SENP6: variants seen among roughly 807,000 people sequenced by gnomAD.
SENP6 encodes SUMO specific peptidase 6.
In SENP6, 41 loss-of-function variants were observed where a neutral mutation model predicts 134.5. The observed-to-expected ratio is 0.30, with a 90% CI of 0.24 to 0.40. The LOEUF (loss-of-function observed/expected upper bound fraction) is 0.40. Among genes scored for constraint, SENP6 ranks in the 10% least tolerant of loss-of-function variants. The probability of loss-of-function intolerance (pLI) is 1.00; values close to 1 mark genes in which losing one functional copy is unlikely to be tolerated. For synonymous variants in SENP6, 395 were observed against 429.8 expected, an observed-to-expected ratio of 0.92 and a Z score of 1.00; for missense variants, 1,248 against 1,312.5, an observed-to-expected ratio of 0.95 and a Z score of 0.76.
At chr6:75,665,524 T>A (rs1272182631) in intron 9 of SENP6, among the ~76,000 whole-genome samples, 1 of 152,222 alleles carries the variant, frequency 6.6e-6, no homozygotes, top group African/African-American at 2.4e-5. Context: ...TTGACTCAAA[T>A]ACAATGTGAG....
chr6:75,644,328 T>A (rs751691157), intron 6 of SENP6, among the ~76,000 whole-genome samples: 20 of 152,068 alleles, frequency 1.3e-4, no homozygotes, highest in Non-Finnish European at 2.8e-4. Context: ...AGGGACACTC[T>A]ATGAAATACC....
chr6:75,685,921 C>T (rs1245351676), intron 16 of SENP6, among the ~76,000 whole-genome samples: 1 of 152,124 alleles, frequency 6.6e-6, no homozygotes, highest in Non-Finnish European at 1.5e-5. Flanking sequence ...CTGCTTGTTG[C>T]AGAGCTGAGT....
At chr6:75,659,612 A>G (rs947873625) in intron 8 of SENP6, among the ~76,000 whole-genome samples, 7 of 152,220 alleles carry the variant, frequency 4.6e-5, no homozygotes, top group Non-Finnish European at 1.0e-4. Flanking sequence ...AGAATTTATC[A>G]GTGCTTCCCT....
intron 1 of SENP6, among the ~76,000 whole-genome samples, chr6:75,620,082 CAAAAAAAAAA>C (rs10526946): frequency 2.6e-3 from 332 of 127,860 alleles, no homozygotes; most frequent in African/African-American, 7.5e-3. Flanking sequence ...TACCTTGCCT[CAAAAAAAAAA>C]AAAAAAAAAA....
intron 6 of SENP6, 42 bp from the exon 7 acceptor site, chr6:75,647,689 G>A (rs763524550): frequency 3.6e-6 from 5 of 1,378,210 alleles, no homozygotes; most frequent in South Asian, 2.4e-5. Flanking sequence ...TTTGAAAACT[G>A]TATTTCCTGT....
chr6:75,639,840 T>C lies in SENP6; in HGVS notation c.459-844T>C, dbSNP rs72654722. Among the ~76,000 whole-genome samples, 1,613 of 152,254 alleles carry C rather than the reference T, an allele frequency of 0.011. 61 individuals carry two copies. In the East Asian group the frequency reaches 0.14, roughly 13 times the overall value. On this transcript the variant is annotated intron_variant, in intron 5 of 23. Transcript: ENST00000447266. ...TTTCAGCCTTAAAAAATTTTTTTTCTTACTCCAAAGGAAATAATCATACCT... is the reference window on the plus strand; with the variant it reads ...TTTCAGCCTTAAAAAATTTTTTTTCCTACTCCAAAGGAAATAATCATACCT...
chr6:75,659,994 T>TTA (rs1176165232), intron 8 of SENP6, among the ~76,000 whole-genome samples: 1 of 152,216 alleles, frequency 6.6e-6, no homozygotes, highest in Non-Finnish European at 1.5e-5. Context: ...AAATTTCAGC[T>TTA]AAATAATGTC....
In SENP6 at chr6:75,623,980, T is replaced by C. The variant is rs972591327; in HGVS notation, c.207+20T>C. The C allele has an allele frequency of 3.2e-6, 5 of 1,582,834 alleles. No homozygotes were observed. Among genetic ancestry groups the C allele is most frequent in the Non-Finnish European group, 4.3e-6 (5 of 1,159,538 alleles). On this transcript the variant is annotated intron_variant, in intron 3 of 23. Transcript: ENST00000447266. Reference sequence around the variant, plus strand: ...AAAAAGGCAAGTGTTGCTTAAAATATTTTCTTCTTTTACATTATATACAAA... The same window carrying C: ...AAAAAGGCAAGTGTTGCTTAAAATACTTTCTTCTTTTACATTATATACAAA...
intron 18 of SENP6, among the ~76,000 whole-genome samples, chr6:75,699,803 G>C (rs1774911390): frequency 6.6e-6 from 1 of 151,852 alleles, no homozygotes. Context: ...ATTTTTTTCT[G>C]AAGTTTCTAA....
At chr6:75,613,277 A>G (rs754420654) in intron 1 of SENP6, among the ~76,000 whole-genome samples, 2 of 152,232 alleles carry the variant, frequency 1.3e-5, no homozygotes, top group Non-Finnish European at 2.9e-5. Context: ...ATGAAATTCA[A>G]ATGTCACTGC....
chr6:75,625,970 A>G (rs1274671245), intron 3 of SENP6, among the ~76,000 whole-genome samples: 1 of 152,212 alleles, frequency 6.6e-6, no homozygotes, highest in Non-Finnish European at 1.5e-5. Context: ...TACTAATAAA[A>G]TGATTTTCAA....
At chr6:75,692,940 G>A (rs750817805) in intron 16 of SENP6, among the ~76,000 whole-genome samples, 7 of 152,162 alleles carry the variant, frequency 4.6e-5, no homozygotes, top group African/African-American at 9.7e-5. Flanking sequence ...GTATGGTGGC[G>A]TATGCCTGTA....
At chr6:75,624,078 G>C in intron 3 of SENP6, 118 bp downstream of exon 3, 1 of 684,828 alleles carries the variant, frequency 1.5e-6, no homozygotes, top group Non-Finnish European at 2.4e-6. Flanking sequence ...CACTCCAGAG[G>C]CAAATGGTGT....
intron 1 of SENP6, among the ~76,000 whole-genome samples, chr6:75,612,604 A>G (rs960903552): frequency 1.3e-5 from 2 of 152,190 alleles, no homozygotes; most frequent in East Asian, 1.9e-4. Context: ...CGCTAGGATT[A>G]TAGGTGTGAG....
At chr6:75,647,039 C>T (rs540657508) in intron 6 of SENP6, among the ~76,000 whole-genome samples, 2 of 152,194 alleles carry the variant, frequency 1.3e-5, no homozygotes, top group African/African-American at 2.4e-5. Context: ...ATTACTAGAT[C>T]ACCAGTGTGA....
chr6:75,708,842 C>T (rs929641891), intron 19 of SENP6, among the ~76,000 whole-genome samples: 5 of 151,940 alleles, frequency 3.3e-5, no homozygotes, highest in South Asian at 2.1e-4. Context: ...TGCAGTGAGC[C>T]GAGATTGTGC....
intron 3 of SENP6, among the ~76,000 whole-genome samples, chr6:75,632,594 T>C (rs1769194817): frequency 6.6e-6 from 1 of 152,212 alleles, no homozygotes; most frequent in African/African-American, 2.4e-5. Context: ...GGTCCATGTT[T>C]GTAATTGGTT....
Position 75,675,850 on chromosome 6 carries a change from T to C in SENP6, c.1427-10T>C. ...AGAATTATTTTTCCATTTCATTTGT[T>C]TTCCTCCAGAACCAGACCATGATCC... On this transcript the variant is annotated splice_polypyrimidine_tract_variant and intron_variant, in intron 12 of 23. Transcript: ENST00000447266. 1.3e-6 allele frequency: 2 copies of C among 1,562,842 alleles called. No homozygotes were observed. Among genetic ancestry groups the C allele is most frequent in the South Asian group, 1.2e-5 (1 of 82,374 alleles).
At chr6:75,707,651 C>T (rs2149904169) in intron 19 of SENP6, among the ~76,000 whole-genome samples, 1 of 152,154 alleles carries the variant, frequency 6.6e-6, no homozygotes, top group Middle Eastern at 3.4e-3. Context: ...AGCCACTGCG[C>T]TCAGCCCATA....
Sources: allele counts gnomAD v4.1 joint callset (sites outside exome capture counted in the v4.1 genomes callset), GRCh38; gene constraint gnomAD v4.1.1; transcripts MANE v1.5; gene names NCBI Gene and HGNC (gene_info 2026-07-23, HGNC 2026-07-21).